ABHD12: variants seen among roughly 807,000 people sequenced by gnomAD.
The protein encoded by ABHD12 is lysophosphatidylserine lipase ABHD12.
Under a neutral mutation model 58.3 loss-of-function variants are expected in ABHD12, and 43 were observed. The observed-to-expected ratio is 0.74, with a 90% CI of 0.58 to 0.95. ABHD12 has a LOEUF of 0.95. ABHD12 is among the 40% of genes least tolerant of loss of function. The pLI, the probability that ABHD12 is intolerant of heterozygous loss-of-function variation, is 0.00. For synonymous variants in ABHD12, 219 were observed against 211.2 expected, an observed-to-expected ratio of 1.04 and a Z score of -0.32; for missense variants, 539 against 537.2, an observed-to-expected ratio of 1.00 and a Z score of -0.03.
At position 25,354,287 on chromosome 20, in the gene ABHD12, C is replaced by T. The variant is rs143149596; in HGVS notation, c.192-14936G>A. Among the ~76,000 whole-genome samples the T allele has an allele frequency of 4.8e-3, 727 of 152,104 alleles. 1 individual carries two copies. Among genetic ancestry groups the T allele is most frequent in the Non-Finnish European group, 6.7e-3 (457 of 67,990 alleles). ...CTGTGGTGCCAGTTCACAGGTGTAG[C>T]GGCAGAAGACGGACACAGGGTGCAC... On this transcript the variant is annotated intron_variant, in intron 1 of 12. Coordinates refer to ENST00000339157, the MANE Select transcript of ABHD12 (RefSeq NM_001042472.3).
intron 1 of ABHD12, among the ~76,000 whole-genome samples, chr20:25,388,218 C>A (rs779741643): frequency 6.6e-6 from 1 of 151,976 alleles, no homozygotes; most frequent in Non-Finnish European, 1.5e-5. Flanking sequence ...AAAAAATGTG[C>A]GGAAGGATCC....
At chr20:25,390,390 C>G (rs2090154638) in intron 1 of ABHD12, 123 bp downstream of exon 1, 2 of 1,006,510 alleles carry the variant, frequency 2.0e-6, no homozygotes, top group Admixed American at 8.9e-5. Flanking sequence ...ACGGGGGCGG[C>G]CGCGGATCGG....
chr20:25,354,089 T>C (rs2089637472), intron 1 of ABHD12, among the ~76,000 whole-genome samples: 1 of 152,220 alleles, frequency 6.6e-6, no homozygotes, highest in South Asian at 2.1e-4. Flanking sequence ...CTTTAATCTT[T>C]AAGGACGGGG....
intron 6 of ABHD12, among the ~76,000 whole-genome samples, chr20:25,312,573 G>A (rs1258552992): frequency 2.4e-4 from 37 of 152,306 alleles, no homozygotes; most frequent in Non-Finnish European, 4.6e-4. Flanking sequence ...CCAAAGTGCC[G>A]AGATTGCAGC....
intron 1 of ABHD12, among the ~76,000 whole-genome samples, chr20:25,364,993 C>T (rs1041065328): frequency 6.6e-6 from 1 of 152,178 alleles, no homozygotes; most frequent in African/African-American, 2.4e-5. Context: ...CTGGGGGCTA[C>T]ATTTCCCAGC....
chr20:25,363,730 T>C (rs2089783514), intron 1 of ABHD12, among the ~76,000 whole-genome samples: 1 of 151,916 alleles, frequency 6.6e-6, no homozygotes, highest in Admixed American at 6.6e-5. Flanking sequence ...CTGGGCATGG[T>C]GGCACATGCC....
rs756552729 is a variant in ABHD12 at position 25,320,210 on chromosome 20, G to A, written c.531C>T (p.Asn177=). The change falls in exon 4 of 13, where the codon AAC becomes AAT. Residue 177 remains asparagine (N), a synonymous_variant. Transcript: ENST00000339157. The stretch of plus-strand genomic sequence containing the variant: ...CTCCTCTCCCTCACCTGGTACCTGC[G>A]TTCCCATGCAGGTACAGAATGATAG... ...SHPIILYLHG[N]AGTRGGDHRV... 35 of 1,613,870 alleles carry A rather than the reference G, an allele frequency of 2.2e-5. No individual in the cohort carries two copies. The highest frequency in any genetic ancestry group is 2.1e-4 in the African/African-American group (16 of 74,932).
chr20:25,383,005 G>T lies in ABHD12; in HGVS notation c.191+7508C>A, dbSNP rs1474044605. 5.9e-3 allele frequency among the ~76,000 whole-genome samples: 901 copies of T among 152,322 alleles called. 8 individuals carry two copies. Among genetic ancestry groups the T allele is most frequent in the African/African-American group, 0.02 (849 of 41,562 alleles). On this transcript the variant is annotated intron_variant, in intron 1 of 12. Transcript: ENST00000339157. ...CATGCCTTGTCACAGTCCTGGCCCA[G>T]ACTGTACTGAGGGTGGAGCAAAAGG...
At chr20:25,348,819 A>ACGTCTGTAATCC (rs1335601398) in intron 1 of ABHD12, among the ~76,000 whole-genome samples, 7 of 152,138 alleles carry the variant, frequency 4.6e-5, no homozygotes, top group Admixed American at 4.6e-4. Flanking sequence ...GCGGTGGCTC[A>ACGTCTGTAATCC]CGTCTGTAAT....
chr20:25,308,185 A>G, intron 8 of ABHD12, 140 bp from the exon 9 acceptor site: 1 of 773,598 alleles, frequency 1.3e-6, no homozygotes, highest in African/African-American at 1.7e-5. Context: ...CAGGCCTCAG[A>G]TAGCACCAGG....
chr20:25,353,437 T>C (rs992157186), intron 1 of ABHD12, among the ~76,000 whole-genome samples: 1 of 152,220 alleles, frequency 6.6e-6, no homozygotes, highest in Non-Finnish European at 1.5e-5. Flanking sequence ...AGCATTACCT[T>C]CTAACTCTTC....
At chr20:25,340,323 A>G (rs2089438889) in intron 1 of ABHD12, among the ~76,000 whole-genome samples, 1 of 152,268 alleles carries the variant, frequency 6.6e-6, no homozygotes, top group Non-Finnish European at 1.5e-5. Context: ...AAAAAATTTT[A>G]GTGAGGAGTG....
At chr20:25,306,788 AG>A (rs1453486273) in intron 10 of ABHD12, 44 bp downstream of exon 10, 1 of 1,384,910 alleles carries the variant, frequency 7.2e-7, no homozygotes, top group Admixed American at 1.8e-5. Context: ...AGGTTCTCAG[AG>A]TTTTTCTAAA....
rs181034866 is a variant in ABHD12, at chr20:25,368,763, C to A, written c.191+21750G>T. The stretch of plus-strand genomic sequence containing the variant: ...CAATGTTGAAGAACAGTGGGGTTGA[C>A]CATGGCTGATAGTACAGGGCTCCCA... On this transcript the variant is annotated intron_variant, in intron 1 of 12. Coordinates refer to ENST00000339157, the MANE Select transcript of ABHD12 (RefSeq NM_001042472.3). 782 of 940,790 alleles carry A rather than the reference C, an allele frequency of 8.3e-4. 6 individuals are homozygous for A. The Admixed American group carries it at 0.012, about 14-fold the overall frequency. 58.3% of individuals were successfully genotyped at this position (940,790 alleles called of 1,614,324 possible). A position where few individuals can be genotyped will look rare whatever the true frequency, so the allele number is the denominator to read the frequency against.
intron 1 of ABHD12, among the ~76,000 whole-genome samples, chr20:25,348,543 C>G (rs2089552440): frequency 6.6e-6 from 1 of 151,532 alleles, no homozygotes; most frequent in African/African-American, 2.4e-5. Context: ...ATTACTTGAG[C>G]CTGGGAGGTT....
chr20:25,348,513 C>T (rs868024763), intron 1 of ABHD12, among the ~76,000 whole-genome samples: 4 of 150,136 alleles, frequency 2.7e-5, no homozygotes, highest in African/African-American at 7.4e-5. Flanking sequence ...CCCAGCTACC[C>T]GGGAGGCTGA....
chr20:25,379,266 C>T (rs1190247868), intron 1 of ABHD12, among the ~76,000 whole-genome samples: 1 of 151,762 alleles, frequency 6.6e-6, no homozygotes, highest in South Asian at 2.1e-4. Context: ...CCTTGTCATC[C>T]TTTTTAAAAA....
At chr20:25,355,875 GA>G (rs1337419340) in intron 1 of ABHD12, among the ~76,000 whole-genome samples, 1 of 149,516 alleles carries the variant, frequency 6.7e-6, no homozygotes, top group Admixed American at 6.7e-5. Flanking sequence ...GTATTTTTAA[GA>G]AAAAAAAGTT....
At chr20:25,340,841 A>G (rs1241429096) in intron 1 of ABHD12, among the ~76,000 whole-genome samples, 1 of 152,212 alleles carries the variant, frequency 6.6e-6, no homozygotes, top group Non-Finnish European at 1.5e-5. Flanking sequence ...CTGGGGGTGG[A>G]GCAGGAGATT....
Sources: allele counts gnomAD v4.1 joint callset (sites outside exome capture counted in the v4.1 genomes callset), GRCh38; gene constraint gnomAD v4.1.1; transcripts MANE v1.5; gene names NCBI Gene and HGNC (gene_info 2026-07-23, HGNC 2026-07-21).